PCDH15: variants seen among roughly 807,000 people sequenced by gnomAD.
PCDH15 encodes protocadherin-15.
Under a neutral mutation model 178.5 loss-of-function variants are expected in PCDH15, and 129 were observed. The ratio of observed to expected loss-of-function variants is 0.72; its 90% confidence interval spans 0.63 to 0.84. PCDH15 has a LOEUF of 0.84. Among genes scored for constraint, PCDH15 ranks in the 40% least tolerant of loss-of-function variants. The probability of loss-of-function intolerance (pLI) is 0.00; values close to 1 mark genes in which losing one functional copy is unlikely to be tolerated. For missense variants in PCDH15, 2,230 were observed against 2,099.9 expected, an observed-to-expected ratio of 1.06 and a Z score of -1.21; for synonymous variants, 800 against 732.0, an observed-to-expected ratio of 1.09 and a Z score of -1.50.
chr10:53,840,454 C>T lies in PCDH15; in HGVS notation c.3849G>A (p.Lys1283=). 1 of 1,614,082 alleles carries T rather than the reference C, an allele frequency of 6.2e-7. No homozygotes were observed. Among genetic ancestry groups the T allele is most frequent in the Non-Finnish European group, 8.5e-7 (1 of 1,179,962 alleles). ...GAGCTCCAATGGACTCCACTACGAC[C>T]TTGGCACCAGGAATTTGTTCCTGAA... is the stretch of plus-strand genomic sequence containing the variant. The part of the protein sequence containing the change: ...RYVQEQIPGA[K]VVVESIGARR... The change falls in exon 29 of 38, where the codon AAG becomes AAA. Residue 1283 remains lysine (K), a synonymous_variant. Transcript: ENST00000644397.
At chr10:54,336,601 G>A (rs1324930248) in intron 6 of PCDH15, among the ~76,000 whole-genome samples, 1 of 152,214 alleles carries the variant, frequency 6.6e-6, no homozygotes, top group African/African-American at 2.4e-5. Context: ...TGGGTCCGCA[G>A]AAGTCAAGAA....
At chr10:54,538,207 G>A (rs1391339573) in intron 2 of PCDH15, among the ~76,000 whole-genome samples, 2 of 152,098 alleles carry the variant, frequency 1.3e-5, no homozygotes, top group Non-Finnish European at 2.9e-5. Flanking sequence ...ATCAAGGATA[G>A]TGTTTCCTAG....
At chr10:55,396,186 G>A (rs1036635241) in intron 2 of PCDH15, among the ~76,000 whole-genome samples, 1 of 152,044 alleles carries the variant, frequency 6.6e-6, no homozygotes. Context: ...TTGCATCAGT[G>A]GAATTAAAGG....
chr10:54,199,882 G>A (rs533177547), intron 10 of PCDH15, among the ~76,000 whole-genome samples: 1 of 152,158 alleles, frequency 6.6e-6, no homozygotes, highest in Admixed American at 6.5e-5. Flanking sequence ...GTCTGGGCAT[G>A]AGTCTCACTT....
intron 1 of PCDH15, among the ~76,000 whole-genome samples, chr10:54,795,114 AAAG>A (rs1169212667): frequency 6.6e-6 from 1 of 151,866 alleles, no homozygotes; most frequent in African/African-American, 2.4e-5. Context: ...AAATTCAGAA[AAAG>A]AAGTATATGT....
At chr10:53,904,693 G>C (rs550940171) in intron 25 of PCDH15, among the ~76,000 whole-genome samples, 1 of 152,076 alleles carries the variant, frequency 6.6e-6, no homozygotes, top group Admixed American at 6.5e-5. Flanking sequence ...GCAGTGCCAG[G>C]GCTCTGACTT....
intron 2 of PCDH15, among the ~76,000 whole-genome samples, chr10:55,144,865 T>G (rs1183428637): frequency 6.6e-6 from 1 of 152,024 alleles, no homozygotes; most frequent in Non-Finnish European, 1.5e-5. Flanking sequence ...GCTCCATATT[T>G]TATTTAAAAA....
At chr10:55,481,592 C>T (rs1384605105) in intron 2 of PCDH15, among the ~76,000 whole-genome samples, 4 of 151,824 alleles carry the variant, frequency 2.6e-5, no homozygotes, top group Admixed American at 2.6e-4. Context: ...TCATTATTTA[C>T]TCAAAAGTCA....
At chr10:54,933,042 T>A (rs989123195) in intron 2 of PCDH15, among the ~76,000 whole-genome samples, 1 of 152,218 alleles carries the variant, frequency 6.6e-6, no homozygotes, top group Non-Finnish European at 1.5e-5. Context: ...GAAACACAAA[T>A]AACATTGTAT....
chr10:54,466,638 C>A (rs2077538024), intron 3 of PCDH15, among the ~76,000 whole-genome samples: 1 of 151,802 alleles, frequency 6.6e-6, no homozygotes, highest in African/African-American at 2.4e-5. Flanking sequence ...TCTTTTCACT[C>A]AGGATTGTTT....
chr10:54,594,509 T>C (rs1317603629), intron 2 of PCDH15, among the ~76,000 whole-genome samples: 1 of 152,118 alleles, frequency 6.6e-6, no homozygotes, highest in Non-Finnish European at 1.5e-5. Flanking sequence ...TCATTGCTCC[T>C]GCACTGGTGG....
At chr10:54,534,343 G>A (rs1269610026) in intron 2 of PCDH15, among the ~76,000 whole-genome samples, 1 of 151,978 alleles carries the variant, frequency 6.6e-6, no homozygotes, top group African/African-American at 2.4e-5. Flanking sequence ...GTGGTCTGTA[G>A]GGACAAAAAT....
intron 5 of PCDH15, among the ~76,000 whole-genome samples, chr10:54,364,725 T>G (rs921199565): frequency 6.6e-6 from 1 of 152,168 alleles, no homozygotes; most frequent in African/African-American, 2.4e-5. Flanking sequence ...TAATTTACTC[T>G]CACACAGTTT....
chr10:54,063,953 G>A (rs1310914187), intron 18 of PCDH15, among the ~76,000 whole-genome samples: 1 of 152,184 alleles, frequency 6.6e-6, no homozygotes, highest in Admixed American at 6.5e-5. Context: ...ACATGGTGAG[G>A]GGGGTGGCAG....
chr10:54,111,327 A>G (rs1000102507), intron 15 of PCDH15, among the ~76,000 whole-genome samples: 3 of 152,224 alleles, frequency 2.0e-5, no homozygotes, highest in Admixed American at 2.0e-4. Context: ...CCAAGCAAAT[A>G]GTCTACATTC....
intron 1 of PCDH15, among the ~76,000 whole-genome samples, chr10:55,260,635 T>C (rs533283176): frequency 1.3e-5 from 2 of 152,330 alleles, no homozygotes; most frequent in Admixed American, 6.5e-5. Context: ...TTCATTAAAA[T>C]ATTCTTCTTA....
At chr10:54,661,221 G>A (rs1376845414) in intron 2 of PCDH15, among the ~76,000 whole-genome samples, 1 of 151,930 alleles carries the variant, frequency 6.6e-6, no homozygotes, top group African/African-American at 2.4e-5. Context: ...ATAAATGCTT[G>A]AAAATCAGTT....
intron 15 of PCDH15, among the ~76,000 whole-genome samples, chr10:54,097,914 A>G (rs992464950): frequency 1.3e-5 from 2 of 152,128 alleles, no homozygotes; most frequent in African/African-American, 4.8e-5. Flanking sequence ...AGGATAAACT[A>G]AGTCCAGGAA....
intron 20 of PCDH15, among the ~76,000 whole-genome samples, chr10:54,003,151 G>GA (rs1468345593): frequency 6.6e-6 from 1 of 151,874 alleles, no homozygotes; most frequent in African/African-American, 2.4e-5. Context: ...ATCATGAAAG[G>GA]AAAAAAACTT....
Sources: allele counts gnomAD v4.1 joint callset (sites outside exome capture counted in the v4.1 genomes callset), GRCh38; gene constraint gnomAD v4.1.1; transcripts MANE v1.5; gene names NCBI Gene and HGNC (gene_info 2026-07-23, HGNC 2026-07-21).